Variants in XNDC1N observed in about 807,000 individuals in gnomAD.
XNDC1N encodes the protein protein XNDC1N.
chr11:71,874,302 A>C, the XNDC1N span, among the ~76,000 whole-genome samples: 3 of 152,262 alleles, frequency 2.0e-5, no homozygotes, highest in African/African-American at 7.2e-5. Context: ...CCTAGGTAAC[A>C]GAGTGAAACT....
chr11:71,925,937 T>C, the XNDC1N span: 2 of 151,300 alleles, frequency 1.3e-5, no homozygotes, highest in Non-Finnish European at 2.9e-5. Flanking sequence ...ACTCACAGCA[T>C]ATTTTTGTGA....
chr11:71,918,555 T>G, the XNDC1N span, among the ~76,000 whole-genome samples: 1 of 152,236 alleles, frequency 6.6e-6, no homozygotes, highest in African/African-American at 2.4e-5. Flanking sequence ...GTGTTGGGAT[T>G]ACAGGCATGA....
the XNDC1N span, among the ~76,000 whole-genome samples, chr11:71,913,423 G>A: frequency 1.3e-5 from 2 of 152,226 alleles, no homozygotes; most frequent in South Asian, 4.1e-4. Context: ...CACTTTGGAA[G>A]GCCGAGGCTA....
At chr11:71,916,058 C>T in the XNDC1N span, 11 of 696,056 alleles carry the variant, frequency 1.6e-5, no homozygotes, top group Non-Finnish European at 2.6e-5. Context: ...AATCCTCACT[C>T]CATCATCATA....
At chr11:71,904,349 T>C in the XNDC1N span, among the ~76,000 whole-genome samples, 1 of 152,120 alleles carries the variant, frequency 6.6e-6, no homozygotes, top group Non-Finnish European at 1.5e-5. Context: ...TCACAGGGTG[T>C]GCATACTGTG....
At chr11:71,927,574 A>T in the XNDC1N span, 1 of 152,106 alleles carries the variant, frequency 6.6e-6, no homozygotes, top group Non-Finnish European at 1.5e-5. Context: ...ACAATACAAT[A>T]CTATATAGTC....
chr11:71,907,461 GC>G, the XNDC1N span, among the ~76,000 whole-genome samples: 1 of 48,974 alleles, frequency 2.0e-5, no homozygotes, highest in Admixed American at 1.8e-4. Context: ...GTAAGAGCCA[GC>G]CCCTCTTGCC....
the XNDC1N span, among the ~76,000 whole-genome samples, chr11:71,897,810 C>T: frequency 6.6e-6 from 1 of 152,222 alleles, no homozygotes; most frequent in Admixed American, 6.5e-5. Flanking sequence ...GTGGAAGCAA[C>T]CCAAGGGTTC....
chr11:71,900,383 A>C, the XNDC1N span, among the ~76,000 whole-genome samples: 6 of 151,914 alleles, frequency 3.9e-5, no homozygotes, highest in Admixed American at 2.6e-4. Context: ...CACCCCTTCA[A>C]GTGAGTGCTG....
the XNDC1N span, among the ~76,000 whole-genome samples, chr11:71,885,482 C>G: frequency 6.6e-6 from 1 of 152,132 alleles, no homozygotes; most frequent in South Asian, 2.1e-4. Flanking sequence ...AGCAAAATCA[C>G]CGGGTGGATG....
the XNDC1N span, chr11:71,878,352 A>C: frequency 4.5e-6 from 6 of 1,320,804 alleles, no homozygotes; most frequent in Non-Finnish European, 6.4e-6. Flanking sequence ...GAAAGGTTCA[A>C]TAATCACTCA....
chr11:71,928,206 G>C, the XNDC1N span, among the ~76,000 whole-genome samples: 1 of 152,204 alleles, frequency 6.6e-6, no homozygotes, highest in Non-Finnish European at 1.5e-5. Context: ...GTGCCCTGGA[G>C]GTCCCGCAAG....
the XNDC1N span, among the ~76,000 whole-genome samples, chr11:71,889,466 C>T: frequency 0.028 from 4,273 of 152,166 alleles, 71 homozygotes; most frequent in East Asian, 0.08. Flanking sequence ...CTTCTTCTAA[C>T]GAAGAAAAGG....
chr11:71,910,754 G>A, the XNDC1N span, among the ~76,000 whole-genome samples: 1 of 152,232 alleles, frequency 6.6e-6, no homozygotes, highest in African/African-American at 2.4e-5. Context: ...ATCTAGGGGA[G>A]CCTAAGAGCA....
the XNDC1N span, among the ~76,000 whole-genome samples, chr11:71,921,934 G>A: frequency 1.3e-5 from 2 of 152,168 alleles, no homozygotes; most frequent in African/African-American, 4.8e-5. Context: ...GACCAAGGCA[G>A]GCGGATCATG....
the XNDC1N span, among the ~76,000 whole-genome samples, chr11:71,882,169 A>C: frequency 6.6e-6 from 1 of 152,126 alleles, no homozygotes; most frequent in Non-Finnish European, 1.5e-5. Context: ...ACTTCTCTTA[A>C]ACCACATAAG....
the XNDC1N span, among the ~76,000 whole-genome samples, chr11:71,879,338 T>C: frequency 6.6e-6 from 1 of 152,150 alleles, no homozygotes. Flanking sequence ...TAGCCAATTA[T>C]ATATAAGCAT....
chr11:71,893,922 T>C, the XNDC1N span: 16 of 1,052,712 alleles, frequency 1.5e-5, no homozygotes, highest in African/African-American at 3.3e-5. Context: ...CCTTTTTCCT[T>C]AGCCTGTTGG....
chr11:71,883,892 CT>C, the XNDC1N span, among the ~76,000 whole-genome samples: 1 of 152,140 alleles, frequency 6.6e-6, no homozygotes, highest in South Asian at 2.1e-4. Context: ...ATTAAGGATT[CT>C]TTTTTCTCAT....
Sources: gnomAD v4.1 joint callset for allele counts (sites outside exome capture counted in the v4.1 genomes callset) on GRCh38, gnomAD v4.1.1 for gene constraint, MANE v1.5 for transcripts, NCBI Gene and HGNC (gene_info 2026-07-23, HGNC 2026-07-21) for gene names.